ADK: variants seen among roughly 807,000 people sequenced by gnomAD.
ADK encodes N6,N6-dimethyladenosine kinase.
ADK carries 24 observed loss-of-function variants against 44.7 expected under a neutral mutation model. The ratio of observed to expected loss-of-function variants is 0.54; its 90% CI spans 0.39 to 0.76. The LOEUF (loss-of-function observed/expected upper bound fraction) is 0.76. Ranked by LOEUF, ADK falls within the 30% of genes least tolerant of loss-of-function variation. The pLI is 0.00. For synonymous variants in ADK, 128 were observed against 142.6 expected, an observed-to-expected ratio of 0.90 and a Z score of 0.73; for missense variants, 321 against 425.1, an observed-to-expected ratio of 0.76 and a Z score of 2.15.
At chr10:74,289,113 A>G (rs1847305798) in intron 3 of ADK, among the ~76,000 whole-genome samples, 1 of 152,268 alleles carries the variant, frequency 6.6e-6, no homozygotes, top group African/African-American at 2.4e-5. Flanking sequence ...ATTGCAATTC[A>G]AACATCCCAC....
intron 7 of ADK, among the ~76,000 whole-genome samples, chr10:74,572,774 C>A (rs1851019407): frequency 6.6e-6 from 1 of 152,168 alleles, no homozygotes; most frequent in African/African-American, 2.4e-5. Context: ...CACTGATACC[C>A]TTTCTTCCAG....
chr10:74,210,337 A>C (rs1026174304), intron 2 of ADK, among the ~76,000 whole-genome samples: 1 of 151,464 alleles, frequency 6.6e-6, no homozygotes, highest in Non-Finnish European at 1.5e-5. Flanking sequence ...CAGGAAAAAA[A>C]AAAAAAAAAA....
chr10:74,434,310 G>T (rs1370356722), intron 6 of ADK, among the ~76,000 whole-genome samples: 2 of 152,134 alleles, frequency 1.3e-5, no homozygotes, highest in African/African-American at 4.8e-5. Flanking sequence ...AATTATTAGA[G>T]AAAAGTGTAG....
At chr10:74,488,122 G>GACA (rs1262295085) in intron 6 of ADK, among the ~76,000 whole-genome samples, 1 of 151,898 alleles carries the variant, frequency 6.6e-6, no homozygotes, top group African/African-American at 2.4e-5. Flanking sequence ...ATTTCTACAA[G>GACA]ACAACGGCCT....
intron 6 of ADK, among the ~76,000 whole-genome samples, chr10:74,444,493 A>G (rs1177669487): frequency 1.3e-5 from 2 of 152,106 alleles, no homozygotes; most frequent in Non-Finnish European, 2.9e-5. Context: ...CCCTGTTACA[A>G]GTTAAATGTT....
intron 6 of ADK, among the ~76,000 whole-genome samples, chr10:74,421,771 G>A (rs1025576565): frequency 1.3e-5 from 2 of 152,158 alleles, no homozygotes; most frequent in Non-Finnish European, 2.9e-5. Flanking sequence ...GATTAAGCAT[G>A]CCAAAAGGGA....
chr10:74,335,456 C>G (rs1020802171), intron 4 of ADK, among the ~76,000 whole-genome samples: 30 of 152,136 alleles, frequency 2.0e-4, no homozygotes, highest in African/African-American at 6.8e-4. Context: ...ATTTTAATGG[C>G]TGAGTAGTTT....
At chr10:74,524,683 G>A (rs1564772446) in intron 6 of ADK, among the ~76,000 whole-genome samples, 1 of 152,122 alleles carries the variant, frequency 6.6e-6, no homozygotes, top group African/African-American at 2.4e-5. Context: ...GTGATTCATT[G>A]TACCCAGCCA....
intron 7 of ADK, among the ~76,000 whole-genome samples, chr10:74,548,755 C>G (rs909979708): frequency 9.2e-5 from 14 of 152,118 alleles, no homozygotes; most frequent in Non-Finnish European, 1.0e-4. Flanking sequence ...CTGCTGTATC[C>G]CCGATCCCTT....
intron 3 of ADK, among the ~76,000 whole-genome samples, chr10:74,241,807 A>G (rs1026275543): frequency 6.6e-6 from 1 of 152,204 alleles, no homozygotes; most frequent in African/African-American, 2.4e-5. Context: ...GCCTCAAGTG[A>G]TCCTCCTGCC....
chr10:74,346,742 C>T (rs1261363245), intron 4 of ADK, among the ~76,000 whole-genome samples: 1 of 151,960 alleles, frequency 6.6e-6, no homozygotes, highest in East Asian at 1.9e-4. Flanking sequence ...AGTTCCATAA[C>T]AGGAATGAAT....
At chr10:74,163,303 T>G (rs1841953506) in intron 1 of ADK, among the ~76,000 whole-genome samples, 2 of 152,230 alleles carry the variant, frequency 1.3e-5, no homozygotes, top group African/African-American at 4.8e-5. Context: ...GGTTGATGTC[T>G]TCACTCATTC....
chr10:74,663,211 T>C (rs1208831780), intron 9 of ADK, among the ~76,000 whole-genome samples: 1 of 146,666 alleles, frequency 6.8e-6, no homozygotes. Context: ...CCCCAGCCTA[T>C]GCAACAGAGC....
intron 7 of ADK, among the ~76,000 whole-genome samples, chr10:74,565,889 T>C (rs1850650087): frequency 6.6e-6 from 1 of 152,168 alleles, no homozygotes; most frequent in Non-Finnish European, 1.5e-5. Flanking sequence ...GGTTGTATAA[T>C]AAAGACAAAA....
In ADK at chr10:74,708,369, G is replaced by T. The variant is rs751608368; in HGVS notation, c.1013G>T (p.Arg338Leu). The stretch of plus-strand genomic sequence containing the variant: ...GACAAGCCTCTGACTGAATGTATCC[G>T]TGCTGGCCACTATGCAGCAAGCATC... Reference protein sequence around the residue: ...VSDKPLTECIRAGHYAASIII... With the variant: ...VSDKPLTECILAGHYAASIII... Residue 338 changes from arginine (R) to leucine (L), a missense_variant, in exon 11 of 11, where the codon CGT becomes CTT. Transcript: ENST00000539909. The T allele has an allele frequency of 6.2e-7, 1 of 1,612,300 alleles. No individual in the cohort carries two copies. The highest frequency in any genetic ancestry group is 1.7e-5 in the Admixed American group (1 of 59,922).
chr10:74,356,611 C>G (rs2131926430), intron 4 of ADK, among the ~76,000 whole-genome samples: 1 of 152,234 alleles, frequency 6.6e-6, no homozygotes, highest in East Asian at 1.9e-4. Context: ...GAATAAAAAA[C>G]ACTCCTGTTC....
chr10:74,448,507 T>C (rs1845663909), intron 6 of ADK, among the ~76,000 whole-genome samples: 1 of 152,184 alleles, frequency 6.6e-6, no homozygotes, highest in Non-Finnish European at 1.5e-5. Flanking sequence ...AATAAGTATT[T>C]ATTACATGCA....
In ADK at chr10:74,159,102, CT is replaced by C. The variant is rs1248612567; in HGVS notation, c.65+7761del. Among the ~76,000 whole-genome samples the C allele has an allele frequency of 2.6e-5, 4 of 152,168 alleles. No individual in the cohort carries two copies. In the East Asian group the frequency reaches 7.7e-4, roughly 29 times the overall value. ...TTTCTGATGTTGTTTGTACTTTTGG[CT>C]TCGTACCATTTCTTTAAAAATTTGG... On this transcript the variant is annotated intron_variant, in intron 1 of 10. Coordinates refer to ENST00000539909, the MANE Select transcript of ADK (RefSeq NM_006721.4).
chr10:74,597,360 T>A (rs942697978), intron 8 of ADK, among the ~76,000 whole-genome samples: 5 of 152,210 alleles, frequency 3.3e-5, no homozygotes, highest in Admixed American at 6.5e-5. Flanking sequence ...AACCAAAGTA[T>A]AATGAATAAC....
Sources: allele counts gnomAD v4.1 joint callset (sites outside exome capture counted in the v4.1 genomes callset), GRCh38; gene constraint gnomAD v4.1.1; transcripts MANE v1.5; gene names NCBI Gene and HGNC (gene_info 2026-07-23, HGNC 2026-07-21).